PSG6: variants seen among roughly 807,000 people sequenced by gnomAD.
PSG6 encodes the protein pregnancy specific beta-1-glycoprotein 6, also known as pregnancy-specific beta-1-glycoprotein 6.
Under a neutral mutation model 43.3 loss-of-function variants are expected in PSG6, and 51 were observed. That is an observed-to-expected ratio of 1.18 (90% confidence interval 0.94 to 1.49). PSG6 has a LOEUF of 1.49. Ranked by LOEUF, PSG6 falls within the 40% of genes most tolerant of loss-of-function variation. PSG6 has a pLI of 0.00. For synonymous variants in PSG6, 292 were observed against 197.6 expected (o/e 1.48, Z -4.01); for missense variants, 770 against 522.2 (o/e 1.47, Z -4.62).
chr19:42,909,069 A>T (rs1409514438), intron 3 of PSG6, among the ~76,000 whole-genome samples: 2 of 151,748 alleles, frequency 1.3e-5, no homozygotes, highest in African/African-American at 2.4e-5. Context: ...TTGATTCTCA[A>T]ATATTTGTCA....
Position 42,904,451 on chromosome 19 carries a change from A to G in PSG6, c.1241-2005T>C, listed in dbSNP as rs531242513. Among the ~76,000 whole-genome samples the G allele has an allele frequency of 9.9e-4, 150 of 151,862 alleles. 3 individuals are homozygous for G. Among genetic ancestry groups the G allele is most frequent in the Non-Finnish European group, 1.7e-3 (115 of 67,932 alleles). On this transcript the variant is annotated intron_variant, in intron 5 of 5. Coordinates refer to ENST00000187910, the MANE Select transcript of PSG6 (RefSeq NM_001031850.4). ...AATAAATTCAGTAATGTTGCACAATACAAAATCAACATTCAAACATCAGTT... is the reference window on the plus strand; with the variant it reads ...AATAAATTCAGTAATGTTGCACAATGCAAAATCAACATTCAAACATCAGTT...
chr19:42,917,378 T>G lies in PSG6; in HGVS notation c.64+351A>C, dbSNP rs542478988. On this transcript the variant is annotated intron_variant, in intron 1 of 5. Transcript: ENST00000187910. The stretch of plus-strand genomic sequence containing the variant: ...TCTTTTTATTCTTTTTTTTTTTTTT[T>G]TTTGAAATGGAGTCTCGTACTGTCA... 8.1e-5 allele frequency among the ~76,000 whole-genome samples: 12 copies of G among 147,700 alleles called. No homozygotes were observed. In the East Asian group the frequency reaches 2.4e-3, roughly 29 times the overall value.
Position 42,910,602 on chromosome 19 carries a change from G to C in PSG6, c.684C>G (p.Asp228Glu), listed in dbSNP as rs779876039. The C allele has an allele frequency of 1.6e-5, 25 of 1,612,406 alleles. 2 individuals are homozygous for C. The Admixed American group carries it at 4.0e-4, about 26-fold the overall frequency. ...IRNPVSASRS[D>E]PVTLNLLPKL... ...CACGGAGGAGATTCAGGGTGACTGGGTCACTGCGGCTGGCACTCACTGGGT... is the reference window on the plus strand; with the variant it reads ...CACGGAGGAGATTCAGGGTGACTGGCTCACTGCGGCTGGCACTCACTGGGT... The change falls in exon 3 of 6, where the codon GAC (aspartate) becomes GAG (glutamate). Residue 228 changes from aspartate (D) to glutamate (E), a missense_variant. Transcript: ENST00000187910.
At chr19:42,905,961 T>C (rs2122620421) in intron 5 of PSG6, among the ~76,000 whole-genome samples, 1 of 151,638 alleles carries the variant, frequency 6.6e-6, no homozygotes, top group East Asian at 1.9e-4. Flanking sequence ...AGAGGTTTAA[T>C]ATGGTAAGAG....
intron 2 of PSG6, among the ~76,000 whole-genome samples, chr19:42,912,831 T>C (rs1052289043): frequency 2.0e-5 from 3 of 151,600 alleles, no homozygotes; most frequent in African/African-American, 2.4e-5. Flanking sequence ...CATGAGGAAA[T>C]AGTTGTATGT....
chr19:42,914,212 T>C (rs1972280265), intron 2 of PSG6, among the ~76,000 whole-genome samples: 1 of 151,252 alleles, frequency 6.6e-6, no homozygotes, highest in Non-Finnish European at 1.5e-5. Flanking sequence ...CCTGGGGACA[T>C]TGGCTCGAGA....
At chr19:42,903,923 G>T (rs941578257) in intron 5 of PSG6, among the ~76,000 whole-genome samples, 2 of 151,252 alleles carry the variant, frequency 1.3e-5, no homozygotes, top group African/African-American at 4.9e-5. Context: ...AAAGAAAAAA[G>T]AAAAATGAAG....
chr19:42,908,775 G>T (rs866257519), intron 3 of PSG6, among the ~76,000 whole-genome samples: 4 of 151,730 alleles, frequency 2.6e-5, no homozygotes, highest in African/African-American at 9.7e-5. Context: ...GAGAAGTTTT[G>T]CAAATATTTT....
chr19:42,911,933 G>C (rs1466129015), intron 2 of PSG6, among the ~76,000 whole-genome samples: 1 of 151,514 alleles, frequency 6.6e-6, no homozygotes, highest in Non-Finnish European at 1.5e-5. Context: ...CCGTGGGTGT[G>C]CGGTTTCTGT....
chr19:42,907,273 A>G lies in PSG6; in HGVS notation c.986-97T>C, dbSNP rs1972132822. On this transcript the variant is annotated intron_variant, in intron 4 of 5. Coordinates refer to ENST00000187910, the MANE Select transcript of PSG6 (RefSeq NM_001031850.4). Reference sequence around the variant, plus strand: ...ACACAGTGACCCTCTGAACCAAGACACAACCTCAAGTGACAGCCAAATCCC... The same window carrying G: ...ACACAGTGACCCTCTGAACCAAGACGCAACCTCAAGTGACAGCCAAATCCC... The G allele has an allele frequency of 1.2e-5, 19 of 1,527,868 alleles. 1 individual carries two copies. The South Asian group carries it at 2.4e-4, about 19-fold the overall frequency. 94.6% of individuals were successfully genotyped at this position (1,527,868 alleles called of 1,614,324 possible).
chr19:42,907,974 G>C (rs767974401), intron 3 of PSG6, 120 bp from the exon 4 acceptor site: 6 of 1,412,122 alleles, frequency 4.2e-6, no homozygotes, highest in Non-Finnish European at 5.8e-6. Context: ...GCCAGTAGCT[G>C]GTGCATGTGT....
At chr19:42,917,668 A>C in intron 1 of PSG6, 61 bp downstream of exon 1, 1 of 1,595,988 alleles carries the variant, frequency 6.3e-7, no homozygotes, top group Non-Finnish European at 8.6e-7. Flanking sequence ...CCTCTCCAGG[A>C]TACCCCATCC....
chr19:42,905,121 A>T (rs1972091690), intron 5 of PSG6, among the ~76,000 whole-genome samples: 1 of 151,676 alleles, frequency 6.6e-6, no homozygotes, highest in South Asian at 2.1e-4. Flanking sequence ...CATGTACAAA[A>T]ATTAACCCAC....
At position 42,917,714 on chromosome 19, in the gene PSG6, A is replaced by C. The variant is rs1600553385; in HGVS notation, c.64+15T>G. On this transcript the variant is annotated intron_variant, in intron 1 of 5. Coordinates refer to ENST00000187910, the MANE Select transcript of PSG6 (RefSeq NM_001031850.4). ...CTTCCTCCTCCTGTCCTCTCCCAGG[A>C]AGTCCTCTCCTCACCTGTGAGCAGG... is the stretch of plus-strand genomic sequence containing the variant. 6.2e-7 allele frequency: 1 copy of C among 1,608,728 alleles called. No homozygotes were observed. The highest frequency in any genetic ancestry group is 8.5e-7 in the Non-Finnish European group (1 of 1,176,998).
At chr19:42,905,756 C>T (rs187873652) in intron 5 of PSG6, among the ~76,000 whole-genome samples, 1 of 151,730 alleles carries the variant, frequency 6.6e-6, no homozygotes, top group East Asian at 1.9e-4. Flanking sequence ...AAGAAAATTA[C>T]AATACATCGT....
chr19:42,915,757 G>A (rs1166851468), intron 2 of PSG6: 2 of 381,964 alleles, frequency 5.2e-6, no homozygotes, highest in East Asian at 4.3e-5. Flanking sequence ...CAGAGCTGAG[G>A]TTCTCTGAGG....
chr19:42,911,608 C>T (rs1204227539), intron 2 of PSG6, among the ~76,000 whole-genome samples: 1 of 151,650 alleles, frequency 6.6e-6, no homozygotes, highest in Middle Eastern at 3.2e-3. Flanking sequence ...CTCCCTTCCC[C>T]CTGTAGAGGG....
chr19:42,909,750 G>C (rs1016352022), intron 3 of PSG6: 1 of 151,636 alleles, frequency 6.6e-6, no homozygotes, highest in African/African-American at 2.4e-5. Flanking sequence ...GAATGATCTA[G>C]AAAGAGTGAA....
chr19:42,906,828 A>C (rs1568442054), intron 5 of PSG6, 94 bp downstream of exon 5: 1 of 1,607,564 alleles, frequency 6.2e-7, no homozygotes, highest in Non-Finnish European at 8.5e-7. Flanking sequence ...CATGGGACAC[A>C]GTCTGGGAAT....
Sources: allele counts gnomAD v4.1 joint callset (sites outside exome capture counted in the v4.1 genomes callset), GRCh38; gene constraint gnomAD v4.1.1; transcripts MANE v1.5; gene names NCBI Gene and HGNC (gene_info 2026-07-23, HGNC 2026-07-21).